The following ANKRD27 variants were observed in gnomAD, a reference collection of about 807,000 sequenced individuals.
ANKRD27 encodes ankyrin repeat domain-containing protein 27.
Under a neutral mutation model 129.7 loss-of-function variants are expected in ANKRD27, and 112 were observed. That is an observed-to-expected ratio of 0.86 (90% CI 0.74 to 1.01). The LOEUF (loss-of-function observed/expected upper bound fraction) is 1.01. Ranked by LOEUF, ANKRD27 falls within the 50% of genes least tolerant of loss-of-function variation. ANKRD27 has a pLI of 0.00. For missense variants in ANKRD27, 1,258 were observed against 1,300.5 expected (o/e 0.97, Z 0.50); for synonymous variants, 516 against 511.2 (o/e 1.01, Z -0.13).
intron 12 of ANKRD27, chr19:32,636,437 A>G (rs1161689663): frequency 6.6e-6 from 1 of 152,228 alleles, no homozygotes; most frequent in Non-Finnish European, 1.5e-5. Flanking sequence ...ATCTCGGGCC[A>G]AGGATGTGAT....
chr19:32,643,284 TACCTC>T lies in ANKRD27; in HGVS notation c.703_705+2del. On this transcript the variant is annotated splice_donor_variant and coding_sequence_variant, in exon 8 of 29. Coordinates refer to ENST00000306065, the MANE Select transcript of ANKRD27 (RefSeq NM_032139.3). LOFTEE classifies it high-confidence loss of function. ...TCTTGGGTGATAATAACTGAGAACC[TACCTC>T]ACTTGCCTCCATGGTCCCCACGTAT... 6.2e-7 allele frequency: 1 copy of T among 1,614,088 alleles called. No homozygotes were observed. The highest frequency in any genetic ancestry group is 8.5e-7 in the Non-Finnish European group (1 of 1,180,000).
chr19:32,662,990 C>A (rs1056605162), intron 1 of ANKRD27, among the ~76,000 whole-genome samples: 2 of 152,020 alleles, frequency 1.3e-5, no homozygotes, highest in Admixed American at 1.3e-4. Flanking sequence ...TGCAGTGAGC[C>A]GAGATCACGC....
intron 2 of ANKRD27, among the ~76,000 whole-genome samples, chr19:32,656,194 A>AT (rs933077567): frequency 2.0e-5 from 3 of 152,232 alleles, no homozygotes; most frequent in African/African-American, 7.2e-5. Context: ...GCTGAGCAAG[A>AT]TAGAGCTTCC....
intron 2 of ANKRD27, among the ~76,000 whole-genome samples, chr19:32,652,018 C>A (rs563337542): frequency 3.2e-4 from 48 of 152,360 alleles, no homozygotes; most frequent in African/African-American, 9.4e-4. Flanking sequence ...GCTCCACCCA[C>A]CATCCCCACA....
At chr19:32,660,448 G>A (rs1967623101) in intron 1 of ANKRD27, among the ~76,000 whole-genome samples, 1 of 152,206 alleles carries the variant, frequency 6.6e-6, no homozygotes, top group South Asian at 2.1e-4. Flanking sequence ...TGCCCAGGAG[G>A]CAGAGGTTGC....
chr19:32,599,869 G>T (rs970388032), intron 27 of ANKRD27, 93 bp from the exon 28 acceptor site: 9 of 1,512,838 alleles, frequency 5.9e-6, no homozygotes, highest in African/African-American at 1.4e-5. Context: ...GACATTAGTA[G>T]GTGCAGATTT....
intron 25 of ANKRD27, among the ~76,000 whole-genome samples, chr19:32,602,404 T>G (rs1971667194): frequency 6.6e-6 from 1 of 152,040 alleles, no homozygotes; most frequent in Middle Eastern, 3.4e-3. Context: ...CATAATAAGA[T>G]CTACTATCAT....
At chr19:32,628,586 T>TGAG in intron 14 of ANKRD27, 136 bp downstream of exon 14, 1 of 1,113,990 alleles carries the variant, frequency 9.0e-7, no homozygotes. Context: ...TGTTATCATC[T>TGAG]CCACTGTACA....
chr19:32,651,527 A>T (rs1034993243), intron 2 of ANKRD27, among the ~76,000 whole-genome samples: 66 of 151,988 alleles, frequency 4.3e-4, no homozygotes, highest in African/African-American at 1.5e-3. Context: ...CCGCCACCAC[A>T]CCCGGCTAAT....
chr19:32,632,064 G>GGGCA (rs1967003397), intron 12 of ANKRD27, among the ~76,000 whole-genome samples: 1 of 152,156 alleles, frequency 6.6e-6, no homozygotes, highest in Non-Finnish European at 1.5e-5. Flanking sequence ...TGAGGTGAAC[G>GGGCA]GATCACCTGA....
At chr19:32,673,336 C>G (rs1047936517) in intron 1 of ANKRD27, 1 of 986,016 alleles carries the variant, frequency 1.0e-6, no homozygotes, top group African/African-American at 1.7e-5. Flanking sequence ...CCCCTCCTTC[C>G]AAGGCCTACG....
chr19:32,642,196 T>C (rs1967215350), intron 9 of ANKRD27, 51 bp from the exon 10 acceptor site: 1 of 1,501,606 alleles, frequency 6.7e-7, no homozygotes, highest in African/African-American at 1.4e-5. Flanking sequence ...AAGAGAACCC[T>C]CTGGCCTGGA....
intron 28 of ANKRD27, 44 bp downstream of exon 28, chr19:32,599,660 G>A (rs752325423): frequency 1.3e-5 from 20 of 1,556,304 alleles, no homozygotes; most frequent in Middle Eastern, 1.7e-4. Flanking sequence ...TGACAAAGCC[G>A]GGCTTTAGAA....
intron 21 of ANKRD27, among the ~76,000 whole-genome samples, chr19:32,617,024 C>T (rs1215832018): frequency 1.3e-5 from 2 of 152,170 alleles, no homozygotes; most frequent in Non-Finnish European, 2.9e-5. Context: ...TCTCATCACA[C>T]TCCTGGAGTA....
intron 16 of ANKRD27, 56 bp from the exon 17 acceptor site, chr19:32,626,022 G>T: frequency 6.9e-7 from 1 of 1,456,660 alleles, no homozygotes. Flanking sequence ...TGGGAGGCCC[G>T]GCCTCCAGTC....
chr19:32,636,886 T>A (rs1967101733), intron 12 of ANKRD27, among the ~76,000 whole-genome samples: 1 of 152,058 alleles, frequency 6.6e-6, no homozygotes, highest in Admixed American at 6.6e-5. Flanking sequence ...TAGCTGGGAT[T>A]ACAGGCACCT....
At chr19:32,656,118 A>G (rs199854103) in intron 2 of ANKRD27, among the ~76,000 whole-genome samples, 1 of 117,844 alleles carries the variant, frequency 8.5e-6, no homozygotes, top group East Asian at 2.7e-4. Context: ...AAAAGAAAAG[A>G]AAAGAAAAGA....
chr19:32,626,026 T>TC, intron 16 of ANKRD27, 60 bp from the exon 17 acceptor site: 1 of 1,437,228 alleles, frequency 7.0e-7, no homozygotes, highest in Non-Finnish European at 9.3e-7. Flanking sequence ...AGGCCCGGCC[T>TC]CCAGTCTTAG....
intron 23 of ANKRD27, among the ~76,000 whole-genome samples, chr19:32,607,095 C>T (rs1971754346): frequency 6.7e-6 from 1 of 148,302 alleles, no homozygotes; most frequent in African/African-American, 2.5e-5. Flanking sequence ...TGAGATTGCA[C>T]CACTGCACTC....
Sources: gnomAD v4.1 joint callset for allele counts (sites outside exome capture counted in the v4.1 genomes callset) on GRCh38, gnomAD v4.1.1 for gene constraint, MANE v1.5 for transcripts, NCBI Gene and HGNC (gene_info 2026-07-23, HGNC 2026-07-21) for gene names.